ME3: variants seen among roughly 807,000 people sequenced by gnomAD.
The protein encoded by ME3 is malic enzyme 3.
A neutral mutation model predicts 68.9 loss-of-function variants in ME3; 48 were observed. The ratio of observed to expected loss-of-function variants is 0.70; its 90% CI spans 0.55 to 0.89. ME3 has a LOEUF of 0.89. ME3 is among the 40% of genes least tolerant of loss of function. The pLI, the probability that ME3 is intolerant of heterozygous loss-of-function variation, is 0.00. For synonymous variants in ME3, 320 were observed against 318.8 expected (o/e 1.00, Z -0.04); for missense variants, 675 against 797.4 (o/e 0.85, Z 1.85).
intron 7 of ME3, among the ~76,000 whole-genome samples, chr11:86,478,869 G>A (rs1951232510): frequency 6.6e-6 from 1 of 152,140 alleles, no homozygotes. Flanking sequence ...TTAGATGACT[G>A]TAGCCCCTTC....
chr11:86,576,031 T>C (rs980834858), intron 2 of ME3, among the ~76,000 whole-genome samples: 4 of 152,194 alleles, frequency 2.6e-5, no homozygotes, highest in Non-Finnish European at 4.4e-5. Flanking sequence ...GAACAGAAGT[T>C]TGCTCATCGA....
At chr11:86,457,537 C>G (rs1950006127) in intron 8 of ME3, 1 of 1,147,682 alleles carries the variant, frequency 8.7e-7, no homozygotes, top group African/African-American at 1.6e-5. Context: ...AACAGTGGTT[C>G]TTAAGCTCCA....
rs1440474303 is a variant in ME3, at chr11:86,593,618, G to GA, written c.184-33796dup. 4.1e-5 allele frequency among the ~76,000 whole-genome samples: 6 copies of GA among 145,836 alleles called. No homozygotes were observed. In the Middle Eastern group the frequency reaches 0.014, roughly 345 times the overall value. ...AGTAATATTACGCACAGAAAAGTTG[G>GA]AAAAAAATAACCACACCTTATTTTC... On this transcript the variant is annotated intron_variant, in intron 2 of 14. Coordinates refer to ENST00000543262, the Ensembl canonical transcript of ME3.
At chr11:86,456,533 C>T (rs991486713) in intron 8 of ME3, among the ~76,000 whole-genome samples, 4 of 152,046 alleles carry the variant, frequency 2.6e-5, no homozygotes, top group East Asian at 1.9e-4. Context: ...TGGGGGTTTC[C>T]TTCCCAGGTT....
chr11:86,657,479 G>C (rs1382236742), intron 2 of ME3, among the ~76,000 whole-genome samples: 2 of 151,532 alleles, frequency 1.3e-5, no homozygotes, highest in Non-Finnish European at 1.5e-5. Flanking sequence ...AGGGGGTGTG[G>C]GGCAAGGGGA....
chr11:86,560,748 G>GTA lies in ME3; in HGVS notation c.184-927_184-926dup, dbSNP rs142056305. Among the ~76,000 whole-genome samples the GTA allele has an allele frequency of 6.2e-3, 390 of 62,510 alleles. 8 individuals are homozygous for GTA. The highest frequency in any genetic ancestry group is 0.018 in the East Asian group (27 of 1,492). The allele number at this position is 62,510 out of a possible 152,430, so 41.0% of individuals were successfully genotyped here. A position where few individuals can be genotyped will look rare whatever the true frequency, so the allele number is the denominator to read the frequency against. The stretch of plus-strand genomic sequence containing the variant: ...TGTATGTGTGTGTGTGTGTGTGTGT[G>GTA]TATATATATATATATATATATATAT... On this transcript the variant is annotated intron_variant, in intron 2 of 14. Transcript: ENST00000543262.
chr11:86,666,231 T>C (rs369148131), intron 2 of ME3, among the ~76,000 whole-genome samples: 1 of 152,212 alleles, frequency 6.6e-6, no homozygotes, highest in Non-Finnish European at 1.5e-5. Context: ...AGAAGTGATA[T>C]TTATAACTTC....
At chr11:86,605,576 A>G (rs1049094855) in intron 2 of ME3, among the ~76,000 whole-genome samples, 1 of 152,194 alleles carries the variant, frequency 6.6e-6, no homozygotes, top group African/African-American at 2.4e-5. Flanking sequence ...AGCCATGACA[A>G]TCTATGACCT....
rs1280580189 is a variant in ME3 at position 86,599,176 on chromosome 11, CA to C, written c.184-39354del. On this transcript the variant is annotated intron_variant, in intron 2 of 14. Coordinates refer to ENST00000543262, the Ensembl canonical transcript of ME3. ...CTGAGCTACAGGAGGAAATTCAAAC[CA>C]AAGGCAAAGAAGTTGAAAACATTGA... Among the ~76,000 whole-genome samples the C allele has an allele frequency of 6.4e-4, 97 of 152,116 alleles. 1 individual carries two copies. Among genetic ancestry groups the C allele is most frequent in the Non-Finnish European group, 1.5e-5 (1 of 68,022 alleles).
intron 2 of ME3, among the ~76,000 whole-genome samples, chr11:86,669,957 C>G (rs1260263867): frequency 6.6e-6 from 1 of 152,154 alleles, no homozygotes; most frequent in Non-Finnish European, 1.5e-5. Flanking sequence ...GTTTTGCTTT[C>G]TACATCCATT....
intron 3 of ME3, among the ~76,000 whole-genome samples, chr11:86,559,308 C>A (rs1957085226): frequency 1.3e-5 from 2 of 152,146 alleles, no homozygotes; most frequent in African/African-American, 4.8e-5. Flanking sequence ...CCTTAACAGG[C>A]CTGTCTCTAC....
At chr11:86,458,412 C>G (rs1950054390) in intron 8 of ME3, among the ~76,000 whole-genome samples, 1 of 152,086 alleles carries the variant, frequency 6.6e-6, no homozygotes, top group South Asian at 2.1e-4. Context: ...CTTCTCTGGC[C>G]AATGGAGAAG....
At chr11:86,534,210 C>T (rs116902080) in intron 4 of ME3, among the ~76,000 whole-genome samples, 586 of 151,648 alleles carry the variant, frequency 3.9e-3, no homozygotes, top group Admixed American at 6.7e-3. Context: ...AATGTGATGA[C>T]CCAGGACATT....
chr11:86,616,346 C>T (rs889728478), intron 2 of ME3, among the ~76,000 whole-genome samples: 2 of 152,158 alleles, frequency 1.3e-5, no homozygotes, highest in Admixed American at 6.6e-5. Flanking sequence ...TGGAATTTCT[C>T]TTCACCTGAA....
intron 2 of ME3, among the ~76,000 whole-genome samples, chr11:86,581,244 A>G (rs906816741): frequency 6.6e-6 from 1 of 152,188 alleles, no homozygotes; most frequent in Non-Finnish European, 1.5e-5. Context: ...ACATGCATCC[A>G]TGTGTAATTG....
downstream of ME3, among the ~76,000 whole-genome samples, chr11:86,439,487 G>A (rs1948918323): frequency 6.6e-6 from 1 of 152,114 alleles, no homozygotes. Context: ...TGAATTCCAA[G>A]GATGAATGCC....
intron 4 of ME3, among the ~76,000 whole-genome samples, chr11:86,529,516 C>A (rs901618871): frequency 7.9e-5 from 12 of 152,178 alleles, no homozygotes; most frequent in African/African-American, 2.9e-4. Context: ...ATGAGGCCAG[C>A]ATCATCCTGA....
intron 2 of ME3, among the ~76,000 whole-genome samples, chr11:86,645,690 T>A (rs1304455020): frequency 1.3e-5 from 2 of 152,170 alleles, no homozygotes; most frequent in Non-Finnish European, 2.9e-5. Flanking sequence ...AGCACAGCAA[T>A]CGAGCTCTGC....
At chr11:86,646,110 A>G (rs113615525) in intron 2 of ME3, among the ~76,000 whole-genome samples, 3 of 152,244 alleles carry the variant, frequency 2.0e-5, no homozygotes, top group African/African-American at 7.2e-5. Flanking sequence ...CCAGGGCAAA[A>G]AGGCTGAAAA....
Sources: allele counts gnomAD v4.1 joint callset (sites outside exome capture counted in the v4.1 genomes callset), GRCh38; gene constraint gnomAD v4.1.1; transcripts MANE v1.5; gene names NCBI Gene and HGNC (gene_info 2026-07-23, HGNC 2026-07-21).